ABLIM3: variants seen among roughly 807,000 people sequenced by gnomAD.
ABLIM3 encodes the protein actin-binding LIM protein 3.
Under a neutral mutation model 109.5 loss-of-function variants are expected in ABLIM3, and 61 were observed. The observed-to-expected ratio is 0.56, with a 90% CI of 0.45 to 0.69. The LOEUF (loss-of-function observed/expected upper bound fraction) is 0.69. Among genes scored for constraint, ABLIM3 ranks in the 30% least tolerant of loss-of-function variants. The pLI is 0.00. For missense variants in ABLIM3, 796 were observed against 889.5 expected (o/e 0.89, Z 1.34); for synonymous variants, 300 against 324.8 (o/e 0.92, Z 0.82).
In ABLIM3 at chr5:149,146,200, G is replaced by T. The variant is rs144254620; in HGVS notation, c.13+4092G>T. ...TGTTGAATTGTTTAAGTTCCTTATAGATTCTGGATATTGGTCCTTTGTCAG... is the reference window on the plus strand; with the variant it reads ...TGTTGAATTGTTTAAGTTCCTTATATATTCTGGATATTGGTCCTTTGTCAG... On this transcript the variant is annotated intron_variant, in intron 2 of 23. Transcript: ENST00000309868. Among the ~76,000 whole-genome samples, 20 of 152,264 alleles carry T rather than the reference G, an allele frequency of 1.3e-4. No homozygotes were observed. In the South Asian group the frequency reaches 3.9e-3, roughly 30 times the overall value.
rs570653505 is a variant in ABLIM3, at chr5:149,214,265, C to T, written c.670-2694C>T. On this transcript the variant is annotated intron_variant, in intron 7 of 23. Transcript: ENST00000309868. ...CCAGGAGCTGGATCCAGTGCTTAAG[C>T]GAAATCATTTAGAATCCCCAGCCAT... Among the ~76,000 whole-genome samples, 27 of 152,282 alleles carry T rather than the reference C, an allele frequency of 1.8e-4. 1 individual carries two copies. The South Asian group carries it at 4.1e-3, about 23-fold the overall frequency.
At chr5:149,182,888 C>T (rs1756587833) in intron 2 of ABLIM3, among the ~76,000 whole-genome samples, 1 of 152,160 alleles carries the variant, frequency 6.6e-6, no homozygotes, top group African/African-American at 2.4e-5. Flanking sequence ...GTTAGCCTCC[C>T]TCCAGCCAGA....
chr5:149,193,606 A>G (rs188451215), intron 3 of ABLIM3, among the ~76,000 whole-genome samples: 1 of 152,322 alleles, frequency 6.6e-6, no homozygotes, highest in Admixed American at 6.5e-5. Context: ...GAAATTAAGA[A>G]ATCAGTTAAA....
At chr5:149,154,157 T>C (rs1445890362) in intron 2 of ABLIM3, among the ~76,000 whole-genome samples, 1 of 152,212 alleles carries the variant, frequency 6.6e-6, no homozygotes, top group Non-Finnish European at 1.5e-5. Context: ...CCGCTGCAAG[T>C]CACGCTCAGC....
At chr5:149,167,529 A>G (rs1754938202) in intron 2 of ABLIM3, among the ~76,000 whole-genome samples, 1 of 152,172 alleles carries the variant, frequency 6.6e-6, no homozygotes, top group Admixed American at 6.5e-5. Flanking sequence ...GATTTTTCAG[A>G]TGGTCTCAAC....
At chr5:149,227,367 T>C (rs1458881583) in intron 8 of ABLIM3, among the ~76,000 whole-genome samples, 1 of 152,176 alleles carries the variant, frequency 6.6e-6, no homozygotes, top group Non-Finnish European at 1.5e-5. Flanking sequence ...GAGCCTGGAA[T>C]TGTGGGTGAC....
At chr5:149,209,968 A>G (rs1365857368) in intron 6 of ABLIM3, among the ~76,000 whole-genome samples, 2 of 134,124 alleles carry the variant, frequency 1.5e-5, no homozygotes, top group African/African-American at 6.0e-5. Context: ...TCTTACACCC[A>G]AAAGTGAAAG....
chr5:149,169,095 C>T (rs1299444367), intron 2 of ABLIM3, among the ~76,000 whole-genome samples: 1 of 150,314 alleles, frequency 6.7e-6, no homozygotes, highest in Non-Finnish European at 1.5e-5. Context: ...ACCCCCCCAC[C>T]CCCCGTCTCA....
intron 2 of ABLIM3, among the ~76,000 whole-genome samples, chr5:149,168,525 A>T (rs1755041644): frequency 6.6e-6 from 1 of 152,166 alleles, no homozygotes; most frequent in Non-Finnish European, 1.5e-5. Flanking sequence ...TCTCTGCCTG[A>T]TGGGAGATGG....
Position 149,251,410 on chromosome 5 carries a change from G to A in ABLIM3, c.1840G>A (p.Gly614Ser). 1.2e-6 allele frequency: 2 copies of A among 1,614,118 alleles called. No individual in the cohort carries two copies. The highest frequency in any genetic ancestry group is 1.7e-6 in the Non-Finnish European group (2 of 1,180,020). Residue 614 changes from glycine to serine, a missense_variant, in exon 21 of 24, where the codon GGC (glycine) becomes AGC (serine). By Grantham distance (56) the Gly-to-Ser change is moderately conservative. Coordinates refer to ENST00000309868, the MANE Select transcript of ABLIM3 (RefSeq NM_014945.5). ...HYDSMNAVNW[G>S]MREYKIYPYE... Reference sequence around the variant, plus strand: ...CGACAGCATGAACGCAGTCAACTGGGGCATGCGAGGTGAGTGCAGGCCTGC... The same window carrying A: ...CGACAGCATGAACGCAGTCAACTGGAGCATGCGAGGTGAGTGCAGGCCTGC...
chr5:149,165,463 C>T (rs1402474603), intron 2 of ABLIM3, among the ~76,000 whole-genome samples: 1 of 152,114 alleles, frequency 6.6e-6, no homozygotes, highest in Non-Finnish European at 1.5e-5. Context: ...ATAGTGCAAA[C>T]CTTTAATCTC....
chr5:149,148,104 A>G (rs749023437), intron 2 of ABLIM3, among the ~76,000 whole-genome samples: 5 of 152,212 alleles, frequency 3.3e-5, no homozygotes, highest in Non-Finnish European at 7.3e-5. Context: ...TGTTTTATAA[A>G]CATTTGTAAA....
intron 20 of ABLIM3, among the ~76,000 whole-genome samples, chr5:149,251,154 A>G (rs1753886046): frequency 1.3e-5 from 2 of 152,230 alleles, no homozygotes; most frequent in Admixed American, 6.5e-5. Context: ...CACCAAATAA[A>G]TGGATATATA....
In ABLIM3 at chr5:149,183,971, GTT is replaced by G. The variant is rs11407929; in HGVS notation, c.151+394_151+395del. Among the ~76,000 whole-genome samples the G allele has an allele frequency of 3.8e-3, 545 of 144,702 alleles. 6 individuals are homozygous for G. Among genetic ancestry groups the G allele is most frequent in the African/African-American group, 0.013 (514 of 39,786 alleles). The allele number at this position is 144,702 out of a possible 152,430, so 94.9% of individuals were successfully genotyped here. ...TTTTTTGTTTGTTTTTTGTTTTTTG[GTT>G]TTTTTTTTTTTGAGATGAGTAGCTA... On this transcript the variant is annotated intron_variant, in intron 3 of 23. Coordinates refer to ENST00000309868, the MANE Select transcript of ABLIM3 (RefSeq NM_014945.5).
Position 149,239,905 on chromosome 5 carries a change from A to G in ABLIM3, c.1204+17A>G. On this transcript the variant is annotated intron_variant, in intron 13 of 23. Transcript: ENST00000309868. ...ACCGCTCTGGTAAGGAAGGGGGAGG[A>G]CCTGAAGGGAGAGGAAGAGCCAGGG... is the stretch of plus-strand genomic sequence containing the variant. 6.3e-7 allele frequency: 1 copy of G among 1,589,782 alleles called. No homozygotes were observed. The highest frequency in any genetic ancestry group is 8.6e-7 in the Non-Finnish European group (1 of 1,168,538).
At chr5:149,233,580 C>G (rs138044469) in intron 10 of ABLIM3, among the ~76,000 whole-genome samples, 11 of 152,234 alleles carry the variant, frequency 7.2e-5, no homozygotes, top group African/African-American at 2.6e-4. Context: ...CAGCAAGAGC[C>G]CTTGCTGAGT....
intron 8 of ABLIM3, among the ~76,000 whole-genome samples, chr5:149,227,623 G>T (rs1170493601): frequency 6.6e-6 from 1 of 152,192 alleles, no homozygotes; most frequent in Admixed American, 6.5e-5. Context: ...CAGGGAGTTG[G>T]CGTCAGTGGC....
At chr5:149,206,844 CT>C (rs1169861054) in intron 5 of ABLIM3, among the ~76,000 whole-genome samples, 163 bp from the exon 6 acceptor site, 1 of 150,536 alleles carries the variant, frequency 6.6e-6, no homozygotes, top group African/African-American at 2.5e-5. Context: ...ACTCCAGTGG[CT>C]TTTTCTCTCC....
intron 2 of ABLIM3, among the ~76,000 whole-genome samples, chr5:149,161,465 T>C (rs1754358869): frequency 6.6e-6 from 1 of 152,192 alleles, no homozygotes; most frequent in Non-Finnish European, 1.5e-5. Flanking sequence ...AAGCCCTTTA[T>C]GTGAGTAGGA....
Sources: gnomAD v4.1 joint callset for allele counts (sites outside exome capture counted in the v4.1 genomes callset) on GRCh38, gnomAD v4.1.1 for gene constraint, MANE v1.5 for transcripts, NCBI Gene and HGNC (gene_info 2026-07-23, HGNC 2026-07-21) for gene names.